Variants in ROBO1 observed in about 807,000 individuals in gnomAD.
The protein encoded by ROBO1 is roundabout homolog 1.
In ROBO1, 149 loss-of-function variants were observed where a neutral mutation model predicts 195.9. The observed-to-expected ratio is 0.76, with a 90% CI of 0.67 to 0.87. The LOEUF (loss-of-function observed/expected upper bound fraction) is 0.87, where lower values mean the gene tolerates loss of function less well. ROBO1 is among the 40% of genes least tolerant of loss of function. ROBO1 has a pLI of 0.00. For missense variants in ROBO1, 1,933 were observed against 2,068.3 expected (o/e 0.93, Z 1.27); for synonymous variants, 816 against 733.2 (o/e 1.11, Z -1.82).
chr3:79,478,188 G>C (rs1011925926), intron 2 of ROBO1, among the ~76,000 whole-genome samples: 1 of 152,116 alleles, frequency 6.6e-6, no homozygotes, highest in African/African-American at 2.4e-5. Flanking sequence ...ATAATCAAGT[G>C]AAGGTCTAAA....
chr3:78,822,802 A>G (rs2031142976), intron 4 of ROBO1, among the ~76,000 whole-genome samples: 1 of 152,236 alleles, frequency 6.6e-6, no homozygotes, highest in African/African-American at 2.4e-5. Flanking sequence ...CAATGATTGA[A>G]AATTAACATT....
chr3:79,288,746 GTATTT>G (rs2032050114), intron 2 of ROBO1, among the ~76,000 whole-genome samples: 1 of 151,880 alleles, frequency 6.6e-6, no homozygotes, highest in African/African-American at 2.4e-5. Flanking sequence ...TTAACACTGA[GTATTT>G]TATTTCTCCT....
At chr3:79,550,375 C>A (rs1030471935) in intron 2 of ROBO1, among the ~76,000 whole-genome samples, 2 of 152,060 alleles carry the variant, frequency 1.3e-5, no homozygotes, top group African/African-American at 4.8e-5. Flanking sequence ...TCACTCTTAC[C>A]AGCCATGATA....
At chr3:79,003,750 C>A (rs1171998092) in intron 3 of ROBO1, among the ~76,000 whole-genome samples, 1 of 152,074 alleles carries the variant, frequency 6.6e-6, no homozygotes, top group Non-Finnish European at 1.5e-5. Flanking sequence ...AACCCGGAAG[C>A]CTTATAACCT....
chr3:79,606,501 C>G (rs1214685421), intron 1 of ROBO1, among the ~76,000 whole-genome samples: 1 of 151,972 alleles, frequency 6.6e-6, no homozygotes, highest in Non-Finnish European at 1.5e-5. Flanking sequence ...TGGACTCTGA[C>G]TCCTAGGCTC....
rs557172971 is a variant in ROBO1, at chr3:79,460,243, G to C, written c.88+129581C>G. Among the ~76,000 whole-genome samples the C allele has an allele frequency of 6.9e-4, 105 of 152,258 alleles. 2 individuals carry two copies. The highest frequency in any genetic ancestry group is 2.3e-3 in the African/African-American group (97 of 41,566). On this transcript the variant is annotated intron_variant, in intron 2 of 30. Transcript: ENST00000464233. ...GTAATATATACTTCCCATTTACTGA[G>C]AGGCATTGCCATCAATATATGGAGA...
chr3:79,012,070 T>G (rs6790493), intron 3 of ROBO1, among the ~76,000 whole-genome samples: 38,885 of 152,062 alleles, frequency 0.26, 5,368 homozygotes, highest in Non-Finnish European at 0.32. Context: ...TGATACTTTC[T>G]GAAATCTAAC....
intron 25 of ROBO1, among the ~76,000 whole-genome samples, chr3:78,629,591 G>T (rs1705047742): frequency 6.6e-6 from 1 of 152,070 alleles, no homozygotes; most frequent in South Asian, 2.1e-4. Context: ...AGCTACTTGG[G>T]AGGCTGAGAT....
intron 2 of ROBO1, among the ~76,000 whole-genome samples, chr3:79,335,370 C>T (rs1451376956): frequency 6.6e-6 from 1 of 151,982 alleles, no homozygotes; most frequent in African/African-American, 2.4e-5. Context: ...TGTCCCCACC[C>T]AAAATCTCAT....
chr3:79,719,019 C>T (rs1054740277), intron 1 of ROBO1, among the ~76,000 whole-genome samples: 8 of 151,978 alleles, frequency 5.3e-5, no homozygotes, highest in Non-Finnish European at 1.2e-4. Flanking sequence ...ATAAGAATGT[C>T]TTGCTGAGTG....
intron 2 of ROBO1, among the ~76,000 whole-genome samples, chr3:79,493,534 TTTTTGTTTTG>T (rs1217442467): frequency 9.2e-5 from 14 of 152,008 alleles, no homozygotes; most frequent in Non-Finnish European, 1.8e-4. Context: ...CATTGACTAG[TTTTTGTTTTG>T]TTTTGTTTTT....
At chr3:79,548,524 G>C (rs969606966) in intron 2 of ROBO1, among the ~76,000 whole-genome samples, 12 of 152,186 alleles carry the variant, frequency 7.9e-5, no homozygotes, top group Admixed American at 3.3e-4. Flanking sequence ...GAATAGAACA[G>C]TTGCTTATTA....
intron 4 of ROBO1, among the ~76,000 whole-genome samples, chr3:78,758,625 T>C (rs1037200285): frequency 1.3e-5 from 2 of 151,632 alleles, no homozygotes; most frequent in African/African-American, 4.8e-5. Flanking sequence ...CAAATACTAC[T>C]CTCTCAAAGT....
At chr3:79,322,727 T>G (rs2034037877) in intron 2 of ROBO1, among the ~76,000 whole-genome samples, 1 of 152,246 alleles carries the variant, frequency 6.6e-6, no homozygotes. Flanking sequence ...TATTTTTTTC[T>G]ATTCACATCC....
At chr3:78,701,950 GA>G (rs1265795008) in intron 8 of ROBO1, among the ~76,000 whole-genome samples, 2 of 152,160 alleles carry the variant, frequency 1.3e-5, no homozygotes, top group Admixed American at 1.3e-4. Context: ...AGTCATCAGA[GA>G]AACAGTTTAA....
At chr3:79,415,086 A>ATTTATATCAGT (rs1347285202) in intron 2 of ROBO1, among the ~76,000 whole-genome samples, 10 of 152,164 alleles carry the variant, frequency 6.6e-5, no homozygotes, top group African/African-American at 1.4e-4. Flanking sequence ...TCATGTCACT[A>ATTTATATCAGT]ACCATATAAA....
rs1244175764 is a variant in ROBO1 at position 79,471,229 on chromosome 3, T to C, written c.88+118595A>G. 2.0e-5 allele frequency among the ~76,000 whole-genome samples: 3 copies of C among 152,138 alleles called. No homozygotes were observed. In the East Asian group the frequency reaches 5.8e-4, roughly 29 times the overall value. On this transcript the variant is annotated intron_variant, in intron 2 of 30. Transcript: ENST00000464233. Reference sequence around the variant, plus strand: ...GAAAAATATCATAGGGGAAATGCTTTATGACATTACACTGGGCAACGATTT... The same window carrying C: ...GAAAAATATCATAGGGGAAATGCTTCATGACATTACACTGGGCAACGATTT...
At chr3:79,221,277 C>T (rs541789320) in intron 2 of ROBO1, among the ~76,000 whole-genome samples, 3 of 151,996 alleles carry the variant, frequency 2.0e-5, no homozygotes, top group South Asian at 2.1e-4. Flanking sequence ...TTATATCATC[C>T]CCATAATGAA....
intron 3 of ROBO1, chr3:79,018,958 G>A (rs1042712958): frequency 1.7e-5 from 17 of 989,150 alleles, no homozygotes; most frequent in Non-Finnish European, 1.9e-5. Context: ...CCGCGGCGGC[G>A]GCGATAGCAG....
Sources: allele counts gnomAD v4.1 joint callset (sites outside exome capture counted in the v4.1 genomes callset), GRCh38; gene constraint gnomAD v4.1.1; transcripts MANE v1.5; gene names NCBI Gene and HGNC (gene_info 2026-07-23, HGNC 2026-07-21).